AMD1: variants seen among roughly 807,000 people sequenced by gnomAD.
The protein encoded by AMD1 is S-adenosylmethionine decarboxylase proenzyme.
Under a neutral mutation model 40.2 loss-of-function variants are expected in AMD1, and 11 were observed. That is an observed-to-expected ratio of 0.27 (90% CI 0.17 to 0.45). The LOEUF is 0.45. AMD1 is among the 20% of genes least tolerant of loss of function. The pLI, the probability that AMD1 is intolerant of heterozygous loss-of-function variation, is 1.00. For missense variants in AMD1, 257 were observed against 410.2 expected, an observed-to-expected ratio of 0.63 and a Z score of 3.23; for synonymous variants, 121 against 130.8, an observed-to-expected ratio of 0.93 and a Z score of 0.51.
chr6:110,886,944 T>C (rs1407302145), intron 1 of AMD1, among the ~76,000 whole-genome samples: 2 of 152,204 alleles, frequency 1.3e-5, no homozygotes, highest in Non-Finnish European at 2.9e-5. Flanking sequence ...ACTGCACATT[T>C]CCTGTTAAAC....
At chr6:110,892,040 G>A (rs1190657817) in intron 4 of AMD1, 121 bp from the exon 5 acceptor site, 3 of 1,193,566 alleles carry the variant, frequency 2.5e-6, no homozygotes, top group African/African-American at 3.0e-5. Flanking sequence ...CCAGTCCACT[G>A]ATGGATGACA....
At chr6:110,831,306 G>A in the AMD1 span, among the ~76,000 whole-genome samples, 1 of 151,860 alleles carries the variant, frequency 6.6e-6, no homozygotes, top group African/African-American at 2.4e-5. Context: ...AGGCGTGGTG[G>A]CAGGCACCTG....
At chr6:110,838,416 A>G in the AMD1 span, among the ~76,000 whole-genome samples, 2 of 152,134 alleles carry the variant, frequency 1.3e-5, no homozygotes, top group Non-Finnish European at 2.9e-5. Flanking sequence ...TTTAAGAATT[A>G]GAGATAATCC....
chr6:110,820,402 A>C, the AMD1 span, among the ~76,000 whole-genome samples: 1 of 151,226 alleles, frequency 6.6e-6, no homozygotes, highest in African/African-American at 2.4e-5. Context: ...ATGCCCGCCT[A>C]ATTTTGTATT....
At chr6:110,840,713 C>G in the AMD1 span, among the ~76,000 whole-genome samples, 3 of 120,552 alleles carry the variant, frequency 2.5e-5, no homozygotes, top group African/African-American at 9.5e-5. Context: ...AGGGCCCTCT[C>G]TGGTGAGGGT....
chr6:110,835,735 G>A, the AMD1 span, among the ~76,000 whole-genome samples: 1 of 152,036 alleles, frequency 6.6e-6, no homozygotes, highest in Non-Finnish European at 1.5e-5. Flanking sequence ...CATGGTGGCA[G>A]GCACCTGTAA....
the AMD1 span, among the ~76,000 whole-genome samples, chr6:110,853,474 A>C: frequency 6.6e-6 from 1 of 151,856 alleles, no homozygotes; most frequent in Non-Finnish European, 1.5e-5. Context: ...TGCCCAGCTA[A>C]TTTTTGTATT....
chr6:110,836,571 A>G, the AMD1 span, among the ~76,000 whole-genome samples: 3 of 152,212 alleles, frequency 2.0e-5, no homozygotes, highest in African/African-American at 7.2e-5. Flanking sequence ...TCAAGCTCTT[A>G]GGAAATTCAC....
At chr6:110,887,712 C>A in intron 2 of AMD1, 121 bp downstream of exon 2, 2 of 657,572 alleles carry the variant, frequency 3.0e-6, no homozygotes, top group Non-Finnish European at 4.7e-6. Context: ...TTTTTTGAGA[C>A]GGAGTTTCAG....
chr6:110,828,438 A>G, the AMD1 span, among the ~76,000 whole-genome samples: 6 of 152,030 alleles, frequency 3.9e-5, no homozygotes, highest in Non-Finnish European at 7.4e-5. Context: ...TGTCTCAAAA[A>G]AAAAAGAAAG....
At chr6:110,823,621 T>C in the AMD1 span, among the ~76,000 whole-genome samples, 1 of 152,202 alleles carries the variant, frequency 6.6e-6, no homozygotes, top group Admixed American at 6.5e-5. Context: ...TTTCTTCTGT[T>C]ACCTTTAGGT....
At chr6:110,846,283 A>G in the AMD1 span, among the ~76,000 whole-genome samples, 4 of 152,180 alleles carry the variant, frequency 2.6e-5, no homozygotes, top group African/African-American at 9.6e-5. Flanking sequence ...TGTCACATTT[A>G]ACAGAAAAGA....
the AMD1 span, among the ~76,000 whole-genome samples, chr6:110,847,535 A>AT: frequency 6.6e-6 from 1 of 151,778 alleles, no homozygotes. Flanking sequence ...AAAAAAAAAA[A>AT]GAATTTCTTC....
intron 3 of AMD1, chr6:110,889,223 C>A: frequency 3.7e-6 from 1 of 272,188 alleles, no homozygotes; most frequent in African/African-American, 2.2e-5. Flanking sequence ...CAGACACTTC[C>A]AGTAGTTAAT....
chr6:110,841,094 A>G, the AMD1 span, among the ~76,000 whole-genome samples: 1 of 151,776 alleles, frequency 6.6e-6, no homozygotes, highest in East Asian at 1.9e-4. Flanking sequence ...GCTCACCGCA[A>G]CCTCCACCTC....
the AMD1 span, chr6:110,814,985 T>C: frequency 6.3e-7 from 1 of 1,599,996 alleles, no homozygotes; most frequent in Non-Finnish European, 8.5e-7. Flanking sequence ...CGAGCGAGCC[T>C]ACTCCTCCCG....
intron 1 of AMD1, among the ~76,000 whole-genome samples, chr6:110,887,235 T>C (rs1465593398): frequency 1.3e-5 from 2 of 152,214 alleles, no homozygotes; most frequent in Non-Finnish European, 2.9e-5. Context: ...TTTACCTTGG[T>C]TTATGGACCT....
the AMD1 span, chr6:110,858,956 C>G: frequency 9.3e-7 from 1 of 1,072,462 alleles, no homozygotes; most frequent in East Asian, 2.3e-5. Context: ...GTGACAACTC[C>G]TCCATGTCGC....
At chr6:110,845,936 G>C in the AMD1 span, among the ~76,000 whole-genome samples, 8 of 152,148 alleles carry the variant, frequency 5.3e-5, no homozygotes, top group African/African-American at 1.9e-4. Context: ...ATATTCACAG[G>C]CATACAAATA....
Sources: allele counts gnomAD v4.1 joint callset (sites outside exome capture counted in the v4.1 genomes callset), GRCh38; gene constraint gnomAD v4.1.1; transcripts MANE v1.5; gene names NCBI Gene and HGNC (gene_info 2026-07-23, HGNC 2026-07-21).